Variants in TMEM65 observed in about 807,000 individuals in gnomAD.
TMEM65 encodes the protein transmembrane protein 65.
Under a neutral mutation model 25.4 loss-of-function variants are expected in TMEM65, and 22 were observed. The observed-to-expected ratio is 0.86, with a 90% CI of 0.62 to 1.23. TMEM65 has a LOEUF of 1.23. Ranked by LOEUF, TMEM65 falls within the 50% of genes most tolerant of loss-of-function variation. TMEM65 has a pLI of 0.00. For synonymous variants in TMEM65, 132 were observed against 126.2 expected (o/e 1.05, Z -0.31); for missense variants, 262 against 308.2 (o/e 0.85, Z 1.12).
At chr8:124,323,246 C>A in intron 4 of TMEM65, 75 bp downstream of exon 4, 2 of 766,124 alleles carry the variant, frequency 2.6e-6, no homozygotes, top group East Asian at 3.1e-5. Flanking sequence ...AATAAATTAC[C>A]CTCCTCTAAA....
chr8:124,322,045 A>G, intron 5 of TMEM65, 60 bp downstream of exon 5: 1 of 1,127,004 alleles, frequency 8.9e-7, no homozygotes. Flanking sequence ...ATTAAAGAAG[A>G]GTGGGGAACA....
chr8:124,329,061 G>A (rs1008181066), intron 2 of TMEM65, among the ~76,000 whole-genome samples: 1 of 151,814 alleles, frequency 6.6e-6, no homozygotes, highest in East Asian at 1.9e-4. Context: ...GTATAAAATA[G>A]GTCATTTAAA....
At position 124,355,645 on chromosome 8, in the gene TMEM65, G is replaced by A. The variant is rs568410083; in HGVS notation, c.304+16209C>T. On this transcript the variant is annotated intron_variant, in intron 1 of 6. Coordinates refer to ENST00000297632, the MANE Select transcript of TMEM65 (RefSeq NM_194291.3). ...TTTCACTGTGTGATATAACATAGGG[G>A]CTTCATCCCACCTTTATAATGAAAC... 2.1e-4 allele frequency among the ~76,000 whole-genome samples: 32 copies of A among 152,268 alleles called. No homozygotes were observed. In the East Asian group the frequency reaches 6.2e-3, roughly 29 times the overall value.
At chr8:124,366,905 A>G (rs1180664289) in intron 1 of TMEM65, among the ~76,000 whole-genome samples, 1 of 152,180 alleles carries the variant, frequency 6.6e-6, no homozygotes, top group African/African-American at 2.4e-5. Context: ...CATTTAACTG[A>G]GTGTAACTCA....
chr8:124,356,730 CAG>C (rs778027379), intron 1 of TMEM65, among the ~76,000 whole-genome samples: 6 of 152,210 alleles, frequency 3.9e-5, no homozygotes, highest in Non-Finnish European at 7.4e-5. Flanking sequence ...TTTTTTGAGA[CAG>C]TGTCTCATTC....
chr8:124,315,302 T>A (rs1266736888), intron 6 of TMEM65, among the ~76,000 whole-genome samples: 1 of 140,374 alleles, frequency 7.1e-6, no homozygotes, highest in Non-Finnish European at 1.5e-5. Flanking sequence ...TATTTAGCTA[T>A]CATATCCTAC....
rs574305817 is a variant in TMEM65 at position 124,370,210 on chromosome 8, T to G, written c.304+1644A>C. ...AAAATAATAATGTATGAGAAAAAAA[T>G]TATTCAGTCACCTTGCAGGACATGT... On this transcript the variant is annotated intron_variant, in intron 1 of 6. Coordinates refer to ENST00000297632, the MANE Select transcript of TMEM65 (RefSeq NM_194291.3). Among the ~76,000 whole-genome samples the G allele has an allele frequency of 6.9e-3, 1,052 of 152,224 alleles. 4 individuals carry two copies. Among genetic ancestry groups the G allele is most frequent in the South Asian group, 0.014 (69 of 4,830 alleles).
At position 124,307,244 on chromosome 8, in the gene TMEM65, C is replaced by CA. The variant is rs1202885233; in HGVS notation, c.*6715dup. 1 of 152,108 alleles carries CA rather than the reference C, an allele frequency of 6.6e-6. No individual in the cohort carries two copies. The allele number at this position is 152,108 out of a possible 1,614,324, so 9.4% of individuals were successfully genotyped here. On this transcript the variant is annotated 3_prime_UTR_variant, in exon 7 of 7. Transcript: ENST00000297632. ...GTAAAAAGTGATCTCTCATGGTTCT[C>CA]AGTTATTTTTCATCATGTTTAGTAC...
intron 1 of TMEM65, among the ~76,000 whole-genome samples, chr8:124,339,247 AT>A (rs1814556733): frequency 1.6e-5 from 2 of 128,414 alleles, no homozygotes; most frequent in African/African-American, 3.0e-5. Flanking sequence ...ATATATATAT[AT>A]AAAATATTCT....
At position 124,327,298 on chromosome 8, in the gene TMEM65, T is replaced by C. The variant is rs1188960644; in HGVS notation, c.417+56A>G. The C allele has an allele frequency of 5.1e-6, 6 of 1,187,432 alleles. No homozygotes were observed. In the East Asian group the frequency reaches 1.5e-4, roughly 29 times the overall value. 73.6% of individuals were successfully genotyped at this position (1,187,432 alleles called of 1,614,324 possible). Reference sequence around the variant, plus strand: ...CACAATAGAAAAATTATTAGGAAAATGTAGACCACATTAATTTATGAACTC... The same window carrying C: ...CACAATAGAAAAATTATTAGGAAAACGTAGACCACATTAATTTATGAACTC... On this transcript the variant is annotated intron_variant, in intron 3 of 6. Coordinates refer to ENST00000297632, the MANE Select transcript of TMEM65 (RefSeq NM_194291.3).
chr8:124,340,619 G>C (rs1340351844), intron 1 of TMEM65, among the ~76,000 whole-genome samples: 2 of 152,084 alleles, frequency 1.3e-5, no homozygotes. Context: ...AAATTCATCA[G>C]CAAGAAAAGT....
intron 1 of TMEM65, among the ~76,000 whole-genome samples, chr8:124,366,665 G>T (rs1814942784): frequency 6.6e-6 from 1 of 151,774 alleles, no homozygotes; most frequent in Non-Finnish European, 1.5e-5. Flanking sequence ...CATGTTATAT[G>T]TAAGTGATGA....
At chr8:124,327,666 C>G (rs1245957014) in intron 2 of TMEM65, among the ~76,000 whole-genome samples, 5 of 122,448 alleles carry the variant, frequency 4.1e-5, no homozygotes, top group African/African-American at 1.2e-4. Context: ...TGTTTTCTTA[C>G]TGGTAACACA....
intron 1 of TMEM65, among the ~76,000 whole-genome samples, chr8:124,357,492 TA>T (rs1244917432): frequency 6.6e-6 from 1 of 152,202 alleles, no homozygotes; most frequent in Non-Finnish European, 1.5e-5. Flanking sequence ...TTACAAATCC[TA>T]AATACTAGCT....
At chr8:124,346,195 A>T (rs936682029) in intron 1 of TMEM65, among the ~76,000 whole-genome samples, 2 of 152,166 alleles carry the variant, frequency 1.3e-5, no homozygotes, top group Admixed American at 6.5e-5. Context: ...CACTTTTAAA[A>T]CCATCAGATC....
At chr8:124,333,455 CTGTG>C (rs1276237470) in intron 1 of TMEM65, among the ~76,000 whole-genome samples, 1 of 124,740 alleles carries the variant, frequency 8.0e-6, no homozygotes, top group African/African-American at 3.2e-5. Context: ...TTCTTTCCAT[CTGTG>C]TGTGTGTGTG....
At chr8:124,353,715 A>C (rs1345569034) in intron 1 of TMEM65, among the ~76,000 whole-genome samples, 2 of 152,180 alleles carry the variant, frequency 1.3e-5, no homozygotes, top group Non-Finnish European at 2.9e-5. Context: ...AGAGTAATGA[A>C]GACACGTCAA....
intron 1 of TMEM65, among the ~76,000 whole-genome samples, chr8:124,360,495 G>A (rs1346647936): frequency 1.3e-5 from 2 of 151,630 alleles, no homozygotes; most frequent in Non-Finnish European, 2.9e-5. Flanking sequence ...CAGGAAGAGA[G>A]GGAGAACTGA....
intron 3 of TMEM65, among the ~76,000 whole-genome samples, chr8:124,324,677 AAAATAGTTAAGTGCTT>A (rs1343065972): frequency 1.3e-5 from 2 of 152,050 alleles, no homozygotes; most frequent in Non-Finnish European, 2.9e-5. Context: ...ATACATTTAA[AAAATAGTTAAGTGCTT>A]AATCATTTGG....
Sources: allele counts gnomAD v4.1 joint callset (sites outside exome capture counted in the v4.1 genomes callset), GRCh38; gene constraint gnomAD v4.1.1; transcripts MANE v1.5; gene names NCBI Gene and HGNC (gene_info 2026-07-23, HGNC 2026-07-21).